The following TENM2 variants were observed in gnomAD, a reference collection of about 807,000 sequenced individuals.
TENM2 encodes teneurin-2.
TENM2 carries 52 observed loss-of-function variants against 245.2 expected under a neutral mutation model. That is an observed-to-expected ratio of 0.21 (90% CI 0.17 to 0.27). The LOEUF (loss-of-function observed/expected upper bound fraction) is 0.27. TENM2 is among the 10% of genes least tolerant of loss of function. The pLI is 1.00. For missense variants in TENM2, 3,046 were observed against 3,666.8 expected (o/e 0.83, Z 4.37); for synonymous variants, 1,363 against 1,438.9 (o/e 0.95, Z 1.19).
rs200942772 is a variant in TENM2 at position 168,185,915 on chromosome 5, CATATATATATATATATATAT to C, written c.2570-4391_2570-4372del. Among the ~76,000 whole-genome samples the C allele has an allele frequency of 1.4e-4, 10 of 73,886 alleles. No individual in the cohort carries two copies. In the South Asian group the frequency reaches 1.7e-3, roughly 13 times the overall value. 48.5% of individuals were successfully genotyped at this position (73,886 alleles called of 152,430 possible). ...GGACATATACTATATACCAGACTGA[CATATATATATATATATATAT>C]ATATATATATATATATATATATATA... On this transcript the variant is annotated intron_variant, in intron 13 of 28. Transcript: ENST00000518659.
intron 3 of TENM2, among the ~76,000 whole-genome samples, chr5:167,945,714 T>A (rs1779566033): frequency 6.6e-6 from 1 of 152,122 alleles, no homozygotes; most frequent in South Asian, 2.1e-4. Flanking sequence ...TTCTCTGAGG[T>A]CATATATTTT....
the TENM2 span, among the ~76,000 whole-genome samples, chr5:167,228,263 CA>C: frequency 2.6e-5 from 4 of 151,920 alleles, no homozygotes; most frequent in East Asian, 3.9e-4. Flanking sequence ...CTCCTGACCT[CA>C]AGTGATCTGC....
chr5:167,605,090 A>G (rs947992472), intron 2 of TENM2, among the ~76,000 whole-genome samples: 51 of 152,172 alleles, frequency 3.4e-4, no homozygotes, highest in Non-Finnish European at 8.8e-5. Flanking sequence ...GATGAAATCT[A>G]AGATGCTGTC....
chr5:167,374,501 C>G (rs1435163230), intron 1 of TENM2, among the ~76,000 whole-genome samples: 4 of 152,086 alleles, frequency 2.6e-5, no homozygotes, highest in Admixed American at 6.6e-5. Flanking sequence ...CACAATCACC[C>G]TGAGAAAATT....
chr5:167,353,370 G>C (rs1368479486), intron 1 of TENM2, among the ~76,000 whole-genome samples: 1 of 151,728 alleles, frequency 6.6e-6, no homozygotes, highest in African/African-American at 2.4e-5. Flanking sequence ...AATAAAACCT[G>C]GTAGAAAGCA....
chr5:167,806,803 T>C (rs1226754196), intron 2 of TENM2, among the ~76,000 whole-genome samples: 1 of 152,020 alleles, frequency 6.6e-6, no homozygotes, highest in East Asian at 1.9e-4. Flanking sequence ...CAATAGAAGA[T>C]ACTCATGGAA....
chr5:167,053,109 C>G, the TENM2 span, among the ~76,000 whole-genome samples: 1 of 152,134 alleles, frequency 6.6e-6, no homozygotes, highest in Admixed American at 6.5e-5. Context: ...TCCTTCTCCT[C>G]CCATTTCTAT....
intron 2 of TENM2, among the ~76,000 whole-genome samples, chr5:167,725,594 C>T (rs1014211014): frequency 6.6e-6 from 1 of 152,150 alleles, no homozygotes; most frequent in Non-Finnish European, 1.5e-5. Context: ...ACACTCCCTC[C>T]CTCCCTGTTT....
At chr5:167,892,124 T>A (rs959111442) in intron 3 of TENM2, among the ~76,000 whole-genome samples, 1 of 152,234 alleles carries the variant, frequency 6.6e-6, no homozygotes, top group African/African-American at 2.4e-5. Flanking sequence ...CATTATGGAC[T>A]GAATTACAAC....
the TENM2 span, among the ~76,000 whole-genome samples, chr5:167,050,788 A>G: frequency 6.6e-6 from 1 of 152,134 alleles, no homozygotes; most frequent in Non-Finnish European, 1.5e-5. Context: ...ACATTTGCCC[A>G]GTTCCAGGGT....
intron 13 of TENM2, among the ~76,000 whole-genome samples, chr5:168,165,637 TCCCCCCCCCAACCCCCCCCCC>T (rs869055314): frequency 4.4e-5 from 1 of 22,568 alleles, no homozygotes; most frequent in African/African-American, 7.9e-5. Flanking sequence ...CAATTCAGGA[TCCCCCCCCCAACCCCCCCCCC>T]CCCCCCGGCT....
the TENM2 span, among the ~76,000 whole-genome samples, chr5:167,169,851 T>C: frequency 1.3e-5 from 2 of 152,242 alleles, no homozygotes; most frequent in African/African-American, 4.8e-5. Flanking sequence ...TTTGTAGGAA[T>C]GAGCTTTCTG....
intron 4 of TENM2, among the ~76,000 whole-genome samples, chr5:167,965,782 T>A (rs887345688): frequency 1.3e-5 from 2 of 152,266 alleles, no homozygotes; most frequent in East Asian, 3.9e-4. Flanking sequence ...AAACCAGGGC[T>A]GGGGGAATTA....
intron 2 of TENM2, among the ~76,000 whole-genome samples, chr5:167,797,882 G>A (rs1414740673): frequency 1.3e-5 from 2 of 152,158 alleles, no homozygotes; most frequent in African/African-American, 4.8e-5. Flanking sequence ...TAGTTTAAGG[G>A]GAAAACATGG....
intron 3 of TENM2, among the ~76,000 whole-genome samples, chr5:167,877,053 G>A (rs1351240797): frequency 6.6e-6 from 1 of 152,176 alleles, no homozygotes; most frequent in Admixed American, 6.5e-5. Context: ...GAGTATAAGT[G>A]TCCATGGCCC....
chr5:167,463,046 A>G (rs1169819020), intron 2 of TENM2, among the ~76,000 whole-genome samples: 1 of 152,120 alleles, frequency 6.6e-6, no homozygotes, highest in South Asian at 2.1e-4. Context: ...TCCTTTTTCT[A>G]TACCGTAAGG....
intron 2 of TENM2, among the ~76,000 whole-genome samples, chr5:167,487,104 C>A (rs953535855): frequency 6.6e-6 from 1 of 152,018 alleles, no homozygotes; most frequent in Non-Finnish European, 1.5e-5. Context: ...CATAATGGTG[C>A]GGTATAGTGG....
At chr5:167,568,433 A>C (rs560815738) in intron 2 of TENM2, among the ~76,000 whole-genome samples, 55 of 152,196 alleles carry the variant, frequency 3.6e-4, no homozygotes, top group African/African-American at 1.3e-3. Flanking sequence ...TATACTGAAC[A>C]CTCACCATGT....
intron 12 of TENM2, among the ~76,000 whole-genome samples, chr5:168,158,829 G>GTGTGTATA (rs1397260649): frequency 4.7e-5 from 3 of 63,738 alleles, no homozygotes; most frequent in African/African-American, 1.7e-4. Context: ...GTGTGTGTGT[G>GTGTGTATA]TATATATATA....
Sources: allele counts gnomAD v4.1 joint callset (sites outside exome capture counted in the v4.1 genomes callset), GRCh38; gene constraint gnomAD v4.1.1; transcripts MANE v1.5; gene names NCBI Gene and HGNC (gene_info 2026-07-23, HGNC 2026-07-21).